Variants in STAB2 observed in about 807,000 individuals in gnomAD.
STAB2 encodes the protein stabilin 2, also known as stabilin-2.
STAB2 carries 288 observed loss-of-function variants against 338.1 expected under a neutral mutation model. The ratio of observed to expected loss-of-function variants is 0.85; its 90% confidence interval spans 0.77 to 0.94. The LOEUF is 0.94. Among genes scored for constraint, STAB2 ranks in the 40% least tolerant of loss-of-function variants. The pLI is 0.00. For missense variants in STAB2, 3,141 were observed against 3,210.1 expected, an observed-to-expected ratio of 0.98 and a Z score of 0.52; for synonymous variants, 1,202 against 1,193.3, an observed-to-expected ratio of 1.01 and a Z score of -0.15.
intron 50 of STAB2, among the ~76,000 whole-genome samples, chr12:103,732,034 C>G (rs1001707641): frequency 6.6e-6 from 1 of 152,206 alleles, no homozygotes; most frequent in Non-Finnish European, 1.5e-5. Context: ...TTCTGGCAGG[C>G]ACAGTGGCTC....
At chr12:103,683,972 G>A (rs1257593090) in intron 26 of STAB2, among the ~76,000 whole-genome samples, 1 of 152,144 alleles carries the variant, frequency 6.6e-6, no homozygotes, top group Non-Finnish European at 1.5e-5. Context: ...GGTAGCTCTG[G>A]GAATCTAGAG....
intron 3 of STAB2, among the ~76,000 whole-genome samples, chr12:103,610,339 C>T (rs1473491388): frequency 1.3e-5 from 2 of 152,146 alleles, no homozygotes; most frequent in African/African-American, 2.4e-5. Flanking sequence ...GGTTGGTAAG[C>T]TATTAATTAT....
At chr12:103,618,057 C>T (rs540422964) in intron 3 of STAB2, among the ~76,000 whole-genome samples, 1 of 152,300 alleles carries the variant, frequency 6.6e-6, no homozygotes, top group East Asian at 1.9e-4. Flanking sequence ...TAATGGAGCC[C>T]CCAGGGTCTC....
Position 103,689,986 on chromosome 12 carries a change from G to T in STAB2, c.3182+4G>T. The T allele has an allele frequency of 6.2e-7, 1 of 1,610,168 alleles. No homozygotes were observed. The highest frequency in any genetic ancestry group is 8.5e-7 in the Non-Finnish European group (1 of 1,178,782). ...GCAATATTCCAGCCCTAATAAAGTA[G>T]GTGTTACTTATTTTATTTTACATCG... On this transcript the variant is annotated splice_donor_region_variant and intron_variant, in intron 29 of 68. Transcript: ENST00000388887.
chr12:103,745,057 T>A, intron 56 of STAB2, 116 bp from the exon 57 acceptor site: 2 of 796,412 alleles, frequency 2.5e-6, no homozygotes, highest in South Asian at 1.9e-5. Flanking sequence ...AATGAATGAC[T>A]GTGACATAAG....
chr12:103,705,655 C>CT lies in STAB2; in HGVS notation c.3925dup (p.Tyr1309LeufsTer51), dbSNP rs779212641. On this transcript the variant is annotated frameshift_variant, in exon 37 of 69. Coordinates refer to ENST00000388887, the MANE Select transcript of STAB2 (RefSeq NM_017564.10). LOFTEE classifies it high-confidence loss of function. ...AGGGTAATGAGAAGAGGAGATGCAT[C>CT]TATACCTCCTATTTCATGGGAAGAC... 6.2e-6 allele frequency: 10 copies of CT among 1,614,120 alleles called. No individual in the cohort carries two copies. The Admixed American group carries it at 1.5e-4, about 24-fold the overall frequency.
chr12:103,652,821 TCA>T, intron 12 of STAB2, 116 bp downstream of exon 12: 5 of 1,251,428 alleles, frequency 4.0e-6, no homozygotes, highest in South Asian at 2.0e-5. Flanking sequence ...AATTCTTTCC[TCA>T]TGTATTATTT....
At position 103,687,793 on chromosome 12, in the gene STAB2, C is replaced by T. The variant is rs142469604; in HGVS notation, c.2998-375C>T. On this transcript the variant is annotated intron_variant, in intron 27 of 68. Transcript: ENST00000388887. ...ATTGTTCTGAGCCACTACTCACCAA[C>T]GGCTCTGAAAGGGGGCTATTTGCTG... Among the ~76,000 whole-genome samples the T allele has an allele frequency of 5.3e-4, 81 of 152,296 alleles. No homozygotes were observed. In the East Asian group the frequency reaches 0.013, roughly 25 times the overall value.
intron 59 of STAB2, 45 bp downstream of exon 59, chr12:103,749,201 C>T: frequency 6.5e-7 from 1 of 1,543,926 alleles, no homozygotes; most frequent in Non-Finnish European, 8.8e-7. Flanking sequence ...GCGCCGTGGG[C>T]TTCGCTCCTC....
chr12:103,718,987 G>A, intron 44 of STAB2, among the ~76,000 whole-genome samples: 1 of 152,306 alleles, frequency 6.6e-6, no homozygotes, highest in African/African-American at 2.4e-5. Flanking sequence ...ATCCTGGCAG[G>A]AGCAGGATCT....
At chr12:103,669,960 A>G (rs1875589559) in intron 21 of STAB2, among the ~76,000 whole-genome samples, 1 of 152,216 alleles carries the variant, frequency 6.6e-6, no homozygotes, top group Non-Finnish European at 1.5e-5. Flanking sequence ...TCCAGAACTA[A>G]GATTTTATGA....
At chr12:103,708,931 C>T (rs996679126) in intron 39 of STAB2, among the ~76,000 whole-genome samples, 2 of 152,026 alleles carry the variant, frequency 1.3e-5, no homozygotes, top group African/African-American at 4.8e-5. Context: ...ACAGTATGAC[C>T]ATGCTACACT....
chr12:103,602,076 T>C (rs1212433280), intron 3 of STAB2, among the ~76,000 whole-genome samples: 3 of 152,240 alleles, frequency 2.0e-5, no homozygotes, highest in African/African-American at 4.8e-5. Flanking sequence ...ACAATTAAGA[T>C]AGGGAACAGT....
At chr12:103,731,728 T>C in intron 50 of STAB2, 93 bp downstream of exon 50, 1 of 1,333,186 alleles carries the variant, frequency 7.5e-7, no homozygotes, top group Non-Finnish European at 1.0e-6. Context: ...TGTTTTGACA[T>C]TGGCCAGCTG....
chr12:103,636,053 T>C (rs989340472), intron 6 of STAB2, among the ~76,000 whole-genome samples: 1 of 152,170 alleles, frequency 6.6e-6, no homozygotes, highest in Non-Finnish European at 1.5e-5. Context: ...TTTTTAATTT[T>C]ATTATTATTA....
chr12:103,607,853 G>A (rs1957056526), intron 3 of STAB2, among the ~76,000 whole-genome samples: 1 of 152,182 alleles, frequency 6.6e-6, no homozygotes. Flanking sequence ...ACATACGTGT[G>A]CATGTGTCTT....
intron 4 of STAB2, among the ~76,000 whole-genome samples, chr12:103,621,142 C>T (rs976555949): frequency 1.3e-5 from 2 of 151,958 alleles, no homozygotes. Context: ...TATGTAATAA[C>T]ATTTGTTGAA....
chr12:103,754,307 C>T (rs1883923870), intron 61 of STAB2, among the ~76,000 whole-genome samples: 1 of 152,056 alleles, frequency 6.6e-6, no homozygotes, highest in Admixed American at 6.6e-5. Flanking sequence ...TAATATGGCA[C>T]ACAGTAGGAA....
intron 34 of STAB2, among the ~76,000 whole-genome samples, chr12:103,700,016 T>C (rs1878725307): frequency 1.3e-5 from 2 of 152,304 alleles, no homozygotes; most frequent in Admixed American, 1.3e-4. Flanking sequence ...GCCAAGTGTA[T>C]TAATGTTATT....
Sources: gnomAD v4.1 joint callset for allele counts (sites outside exome capture counted in the v4.1 genomes callset) on GRCh38, gnomAD v4.1.1 for gene constraint, MANE v1.5 for transcripts, NCBI Gene and HGNC (gene_info 2026-07-23, HGNC 2026-07-21) for gene names.